Variants in TRHDE observed in about 807,000 individuals in gnomAD.
The protein encoded by TRHDE is thyrotropin-releasing hormone-degrading ectoenzyme.
TRHDE carries 72 observed loss-of-function variants against 125.7 expected under a neutral mutation model. That is an observed-to-expected ratio of 0.57 (90% CI 0.47 to 0.70). TRHDE has a LOEUF of 0.70. TRHDE is among the 30% of genes least tolerant of loss of function. The pLI is 0.00. For synonymous variants in TRHDE, 509 were observed against 509.1 expected, an observed-to-expected ratio of 1.00 and a Z score of 0.00; for missense variants, 1,110 against 1,327.1, an observed-to-expected ratio of 0.84 and a Z score of 2.54.
intron 1 of TRHDE, among the ~76,000 whole-genome samples, chr12:72,103,928 C>T (rs1474329402): frequency 6.6e-6 from 1 of 152,032 alleles, no homozygotes; most frequent in East Asian, 1.9e-4. Context: ...ATACCCACTC[C>T]AATTAATCAT....
At chr12:72,387,771 A>G (rs1243415886) in intron 3 of TRHDE, among the ~76,000 whole-genome samples, 1 of 151,926 alleles carries the variant, frequency 6.6e-6, no homozygotes, top group Non-Finnish European at 1.5e-5. Flanking sequence ...ACGAGATTTG[A>G]TGGTTTTATA....
chr12:72,090,779 A>C (rs1313254818), intron 1 of TRHDE, among the ~76,000 whole-genome samples: 1 of 152,174 alleles, frequency 6.6e-6, no homozygotes, highest in Non-Finnish European at 1.5e-5. Flanking sequence ...TGTTATCTCT[A>C]GAGATAACCA....
At chr12:72,528,064 C>A (rs12230840) in intron 6 of TRHDE, among the ~76,000 whole-genome samples, 3 of 151,978 alleles carry the variant, frequency 2.0e-5, no homozygotes, top group Non-Finnish European at 2.9e-5. Context: ...AAGTTGCTAC[C>A]ATTCAGCCAA....
At chr12:72,614,677 T>C (rs1158786759) in intron 12 of TRHDE, among the ~76,000 whole-genome samples, 1 of 152,070 alleles carries the variant, frequency 6.6e-6, no homozygotes, top group Non-Finnish European at 1.5e-5. Context: ...CTCCAAAGAA[T>C]CTGAGAATTG....
chr12:72,483,857 C>A (rs543807612), intron 5 of TRHDE, among the ~76,000 whole-genome samples: 124 of 151,974 alleles, frequency 8.2e-4, no homozygotes, highest in Non-Finnish European at 1.5e-3. Flanking sequence ...ATTCATATCA[C>A]ATTGAAAGTA....
chr12:72,218,548 C>A (rs901369731), intron 2 of TRHDE, among the ~76,000 whole-genome samples: 1 of 152,016 alleles, frequency 6.6e-6, no homozygotes, highest in Non-Finnish European at 1.5e-5. Flanking sequence ...AAAATATATT[C>A]TCTCAGAATT....
intron 2 of TRHDE, among the ~76,000 whole-genome samples, chr12:72,327,525 A>T (rs1306647580): frequency 6.6e-6 from 1 of 152,186 alleles, no homozygotes; most frequent in East Asian, 1.9e-4. Context: ...TGAATCACCA[A>T]ACTGACCGTA....
intron 15 of TRHDE, among the ~76,000 whole-genome samples, chr12:72,644,033 C>T (rs1211164844): frequency 6.6e-6 from 1 of 152,082 alleles, no homozygotes; most frequent in African/African-American, 2.4e-5. Context: ...GTGGTGTCAG[C>T]AAGATGGTAG....
At chr12:72,561,592 G>A (rs1187140000) in intron 7 of TRHDE, among the ~76,000 whole-genome samples, 1 of 152,006 alleles carries the variant, frequency 6.6e-6, no homozygotes, top group Admixed American at 6.6e-5. Flanking sequence ...ATAAACTCAG[G>A]AATGACTTTT....
At chr12:72,134,620 G>A (rs1875940409) in intron 2 of TRHDE, among the ~76,000 whole-genome samples, 1 of 151,908 alleles carries the variant, frequency 6.6e-6, no homozygotes, top group Non-Finnish European at 1.5e-5. Context: ...TAAGCTGTAG[G>A]CTCCACACAA....
chr12:72,617,060 A>T lies in TRHDE; in HGVS notation c.2322-1831A>T, dbSNP rs1872847752. On this transcript the variant is annotated intron_variant, in intron 12 of 18. Coordinates refer to ENST00000261180, the MANE Select transcript of TRHDE (RefSeq NM_013381.3). ...TTATTGGGATGTTGTACTAGCTAAA[A>T]TACAGTGGCTTATTTAATTATTGTT... 2.0e-5 allele frequency among the ~76,000 whole-genome samples: 3 copies of T among 152,286 alleles called. No homozygotes were observed. The South Asian group carries it at 6.2e-4, about 32-fold the overall frequency.
At chr12:72,427,118 C>T (rs1229147373) in intron 3 of TRHDE, among the ~76,000 whole-genome samples, 1 of 152,058 alleles carries the variant, frequency 6.6e-6, no homozygotes, top group Non-Finnish European at 1.5e-5. Context: ...GGCAACTATG[C>T]TGTTGTAGCC....
At chr12:72,436,558 C>G (rs1565740990) in intron 3 of TRHDE, among the ~76,000 whole-genome samples, 1 of 151,828 alleles carries the variant, frequency 6.6e-6, no homozygotes, top group African/African-American at 2.4e-5. Flanking sequence ...ACCCCATCTC[C>G]TGAACTTCAC....
intron 10 of TRHDE, among the ~76,000 whole-genome samples, chr12:72,572,613 G>A (rs1300232296): frequency 6.6e-6 from 1 of 152,004 alleles, no homozygotes; most frequent in African/African-American, 2.4e-5. Context: ...GATCTCGTTT[G>A]TAACAAAGGC....
intron 3 of TRHDE, among the ~76,000 whole-genome samples, chr12:72,395,434 C>G (rs2135795819): frequency 6.6e-6 from 1 of 152,210 alleles, no homozygotes; most frequent in Middle Eastern, 3.4e-3. Flanking sequence ...TTTCAAACAT[C>G]CTACTCTGCT....
intron 2 of TRHDE, among the ~76,000 whole-genome samples, chr12:72,371,845 T>C (rs1475374625): frequency 6.6e-6 from 1 of 152,196 alleles, no homozygotes; most frequent in African/African-American, 2.4e-5. Flanking sequence ...AGTGCCGCAA[T>C]AAACATACAT....
chr12:72,496,257 C>T (rs778225758), intron 5 of TRHDE, among the ~76,000 whole-genome samples: 1 of 152,164 alleles, frequency 6.6e-6, no homozygotes, highest in African/African-American at 2.4e-5. Context: ...TTCCACAAAT[C>T]ATTCCATTTA....
chr12:72,143,344 T>G (rs981265986), intron 2 of TRHDE, among the ~76,000 whole-genome samples: 1 of 152,118 alleles, frequency 6.6e-6, no homozygotes, highest in Non-Finnish European at 1.5e-5. Context: ...TAATAGAGTT[T>G]CAATGGCAAT....
chr12:72,117,469 G>A (rs1211171059), intron 2 of TRHDE, among the ~76,000 whole-genome samples: 1 of 152,106 alleles, frequency 6.6e-6, no homozygotes. Flanking sequence ...ATGCTGTTTT[G>A]ACTACTACAG....
Sources: gnomAD v4.1 joint callset for allele counts (sites outside exome capture counted in the v4.1 genomes callset) on GRCh38, gnomAD v4.1.1 for gene constraint, MANE v1.5 for transcripts, NCBI Gene and HGNC (gene_info 2026-07-23, HGNC 2026-07-21) for gene names.